Variants in PHKB observed in about 807,000 individuals in gnomAD.
The protein encoded by PHKB is phosphorylase b kinase regulatory subunit beta.
In PHKB, 122 loss-of-function variants were observed where a neutral mutation model predicts 152.1. That is an observed-to-expected ratio of 0.80 (90% CI 0.69 to 0.93). The LOEUF is 0.93. Among genes scored for constraint, PHKB ranks in the 40% least tolerant of loss-of-function variants. The pLI is 0.00. For missense variants in PHKB, 1,304 were observed against 1,328.4 expected (o/e 0.98, Z 0.29); for synonymous variants, 436 against 464.9 (o/e 0.94, Z 0.80).
chr16:47,641,406 A>G (rs559181931), intron 15 of PHKB, among the ~76,000 whole-genome samples, 193 bp from the exon 16 acceptor site: 1 of 152,246 alleles, frequency 6.6e-6, no homozygotes, highest in African/African-American at 2.4e-5. Context: ...TCAGCCCCTA[A>G]TGTTTCCATG....
intron 1 of PHKB, among the ~76,000 whole-genome samples, chr16:47,488,758 T>A (rs967051212): frequency 6.6e-6 from 1 of 152,200 alleles, no homozygotes; most frequent in Non-Finnish European, 1.5e-5. Flanking sequence ...TGGTTGTAGG[T>A]GTGCAGCTTT....
At chr16:47,464,424 A>T in intron 1 of PHKB, among the ~76,000 whole-genome samples, 1 of 152,202 alleles carries the variant, frequency 6.6e-6, no homozygotes, top group East Asian at 1.9e-4. Flanking sequence ...GTTTTCACAG[A>T]CAGGAAGCGA....
At chr16:47,599,012 C>A (rs771146319) in intron 13 of PHKB, 76 of 821,072 alleles carry the variant, frequency 9.3e-5, no homozygotes, top group Non-Finnish European at 1.4e-4. Context: ...CTGACAGCGC[C>A]AACGATTCGA....
At chr16:47,659,155 C>T (rs1567344818) in intron 20 of PHKB, among the ~76,000 whole-genome samples, 1 of 152,134 alleles carries the variant, frequency 6.6e-6, no homozygotes, top group Admixed American at 6.5e-5. Context: ...ACTGCATATT[C>T]GGCCTTTCTC....
chr16:47,651,141 A>G (rs1219136869), intron 20 of PHKB, among the ~76,000 whole-genome samples: 1 of 152,198 alleles, frequency 6.6e-6, no homozygotes, highest in African/African-American at 2.4e-5. Flanking sequence ...AGACTTCAGT[A>G]GCTCATCTCT....
intron 14 of PHKB, among the ~76,000 whole-genome samples, chr16:47,637,927 C>A (rs748485872): frequency 3.3e-5 from 5 of 152,040 alleles, no homozygotes; most frequent in Admixed American, 6.6e-5. Flanking sequence ...ATAAATGGTG[C>A]CTTCTCCCTG....
At chr16:47,461,454 A>C (rs778271070) in intron 1 of PHKB, 28 bp downstream of exon 1, 7 of 1,609,916 alleles carry the variant, frequency 4.3e-6, no homozygotes, top group Admixed American at 1.7e-5. Flanking sequence ...GCCGCCCCCC[A>C]CCCGAGTACC....
At chr16:47,565,107 T>C in intron 7 of PHKB, 1 of 502,126 alleles carries the variant, frequency 2.0e-6, no homozygotes, top group Non-Finnish European at 3.9e-6. Flanking sequence ...TCTCCCTCGT[T>C]TTCATTTTCA....
chr16:47,533,744 C>T (rs1372191834), intron 6 of PHKB, among the ~76,000 whole-genome samples: 1 of 152,132 alleles, frequency 6.6e-6, no homozygotes, highest in Non-Finnish European at 1.5e-5. Flanking sequence ...CTTGGGCCCC[C>T]AAGAGTATAG....
chr16:47,516,177 C>T (rs1408858277), intron 6 of PHKB, among the ~76,000 whole-genome samples: 5 of 152,232 alleles, frequency 3.3e-5, no homozygotes, highest in South Asian at 2.1e-4. Context: ...CCGCCCACCT[C>T]GGCCTCCCAA....
intron 26 of PHKB, among the ~76,000 whole-genome samples, chr16:47,687,695 CT>C (rs1973989157): frequency 1.3e-5 from 2 of 152,152 alleles, no homozygotes; most frequent in African/African-American, 4.8e-5. Context: ...CTCTCATGCC[CT>C]TATAATCCAT....
At chr16:47,495,737 G>T (rs1358638524) in intron 1 of PHKB, among the ~76,000 whole-genome samples, 1 of 152,076 alleles carries the variant, frequency 6.6e-6, no homozygotes, top group Non-Finnish European at 1.5e-5. Flanking sequence ...GGAGCTAGTT[G>T]AATACAGGAA....
Position 47,593,170 on chromosome 16 carries a change from GGAGA to G in PHKB, c.1069-318_1069-315del, listed in dbSNP as rs3033549. ...GGAAGGAGAAAGAAGAAAGGGAGAGGGAGAGAGAGAGAGAGGGAGGGAGAGAGAG... is the reference window on the plus strand; with the variant it reads ...GGAAGGAGAAAGAAGAAAGGGAGAGGGAGAGAGAGAGGGAGGGAGAGAGAG... On this transcript the variant is annotated intron_variant, in intron 10 of 30. Coordinates refer to ENST00000323584, the MANE Select transcript of PHKB (RefSeq NM_000293.3). Among the ~76,000 whole-genome samples, 782 of 138,672 alleles carry G rather than the reference GGAGA, an allele frequency of 5.6e-3. 7 individuals carry two copies. The highest frequency in any genetic ancestry group is 9.1e-3 in the East Asian group (43 of 4,748). 91.0% of individuals were successfully genotyped at this position (138,672 alleles called of 152,430 possible).
At chr16:47,647,180 A>G (rs1298652322) in intron 16 of PHKB, among the ~76,000 whole-genome samples, 1 of 151,766 alleles carries the variant, frequency 6.6e-6, no homozygotes, top group Non-Finnish European at 1.5e-5. Flanking sequence ...CTGGAGTGCA[A>G]TGGCACCATC....
chr16:47,665,706 AT>A, intron 25 of PHKB: 1 of 591,654 alleles, frequency 1.7e-6, no homozygotes, highest in Non-Finnish European at 3.0e-6. Flanking sequence ...CATCAATAAT[AT>A]TTTTGTCACA....
chr16:47,682,165 C>T (rs1320542556), intron 26 of PHKB, among the ~76,000 whole-genome samples: 2 of 152,158 alleles, frequency 1.3e-5, no homozygotes, highest in Non-Finnish European at 2.9e-5. Context: ...TGTGGGTTAC[C>T]CGACCTTTCT....
intron 7 of PHKB, among the ~76,000 whole-genome samples, chr16:47,560,574 C>T (rs999313913): frequency 1.3e-5 from 2 of 152,122 alleles, no homozygotes; most frequent in East Asian, 1.9e-4. Flanking sequence ...ACAAGGAGAT[C>T]GGTGAAACAG....
At chr16:47,638,604 T>C (rs1253863553) in intron 14 of PHKB, among the ~76,000 whole-genome samples, 1 of 152,230 alleles carries the variant, frequency 6.6e-6, no homozygotes, top group African/African-American at 2.4e-5. Context: ...TTAAATGAGG[T>C]AGATCTGCCA....
intron 14 of PHKB, among the ~76,000 whole-genome samples, chr16:47,640,014 A>G (rs1597142866): frequency 1.3e-5 from 2 of 152,354 alleles, no homozygotes; most frequent in South Asian, 2.1e-4. Flanking sequence ...TGGATTGTTA[A>G]ATCACATTTT....
Sources: allele counts gnomAD v4.1 joint callset (sites outside exome capture counted in the v4.1 genomes callset), GRCh38; gene constraint gnomAD v4.1.1; transcripts MANE v1.5; gene names NCBI Gene and HGNC (gene_info 2026-07-23, HGNC 2026-07-21).